Variants in HSPA12A observed in about 807,000 individuals in gnomAD.
The protein encoded by HSPA12A is heat shock 70 kDa protein 12A.
HSPA12A carries 28 observed loss-of-function variants against 69.2 expected under a neutral mutation model. That is an observed-to-expected ratio of 0.40 (90% CI 0.30 to 0.55). The LOEUF (loss-of-function observed/expected upper bound fraction) is 0.55. HSPA12A is among the 20% of genes least tolerant of loss of function. The pLI, the probability that HSPA12A is intolerant of heterozygous loss-of-function variation, is 0.38. For synonymous variants in HSPA12A, 345 were observed against 370.5 expected, an observed-to-expected ratio of 0.93 and a Z score of 0.79; for missense variants, 686 against 900.7, an observed-to-expected ratio of 0.76 and a Z score of 3.05.
In HSPA12A at chr10:116,705,151, C is replaced by A. The variant is rs1554882206; in HGVS notation, c.254G>T (p.Arg85Met). Residue 85 changes from arginine (R) to methionine (M), a missense_variant and splice_region_variant, in exon 3 of 12, where the codon AGG becomes ATG. Coordinates refer to ENST00000369209, the MANE Select transcript of HSPA12A (RefSeq NM_025015.3). ...TKEPECIHVM[R>M]RWEGGDPGVS... ...TGGCCCTCCCACCCACAGCACTCAC[C>A]TCATCACATGGATGCATTCCGGCTC... The A allele has an allele frequency of 6.2e-7, 1 of 1,614,158 alleles. No individual in the cohort carries two copies. The highest frequency in any genetic ancestry group is 1.1e-5 in the South Asian group (1 of 91,070).
At chr10:116,743,196 C>G (rs2133073494), upstream of HSPA12A, among the ~76,000 whole-genome samples, 1 of 152,328 alleles carries the variant, frequency 6.6e-6, no homozygotes, top group East Asian at 1.9e-4. Context: ...CTGAGTCGCG[C>G]CTTCCATATA....
chr10:116,676,400 G>A lies in HSPA12A; in HGVS notation c.1389C>T (p.Leu463=). 1 of 1,612,742 alleles carries A rather than the reference G, an allele frequency of 6.2e-7. No individual in the cohort carries two copies. Among genetic ancestry groups the A allele is most frequent in the Non-Finnish European group, 8.5e-7 (1 of 1,179,120 alleles). Residue 463 remains leucine (L), a splice_region_variant and synonymous_variant, in exon 11 of 12, where the codon CTC becomes CTT. Transcript: ENST00000369209. ...KPTIDSIIEH[L]RDLFQKPEVS... is the part of the protein sequence containing the mutation. ...TGGCCGAGCCTGGCTGATACTTACG[G>A]AGATGCTCAATGATGCTATCGATGG...
intron 1 of HSPA12A, among the ~76,000 whole-genome samples, chr10:116,735,835 TA>T (rs67575935): frequency 0.26 from 36,065 of 136,776 alleles, 4,466 homozygotes; most frequent in African/African-American, 0.28. Flanking sequence ...TGTCCCTATT[TA>T]AAAAAAAAAA....
intron 2 of HSPA12A, among the ~76,000 whole-genome samples, chr10:116,767,875 C>A (rs891903199): frequency 8.5e-5 from 13 of 152,170 alleles, no homozygotes; most frequent in African/African-American, 3.1e-4. Context: ...GGAGTAACTA[C>A]CTCTTCTAAT....
intron 9 of HSPA12A, 54 bp downstream of exon 9, chr10:116,681,098 A>G: frequency 8.2e-7 from 1 of 1,221,552 alleles, no homozygotes. Context: ...AAGTGAAAAC[A>G]GAACTGCCTG....
Position 116,842,608 on chromosome 10 carries a change from GTTTGTTTTTGTT to G in HSPA12A, c.3+6946_3+6957del, listed in dbSNP as rs527476896. Among the ~76,000 whole-genome samples the G allele has an allele frequency of 4.3e-3, 648 of 152,174 alleles. 2 individuals are homozygous for G. Among genetic ancestry groups the G allele is most frequent in the Non-Finnish European group, 7.1e-3 (483 of 67,990 alleles). On this transcript the variant is annotated intron_variant, in intron 1 of 12. Coordinates refer to the HSPA12A transcript ENST00000635765. ...AATGGCAAAAGAGTTTGCTTAAAGA[GTTTGTTTTTGTT>G]TTTGTTTTTGTTTTGAGATGGAGTC... is the stretch of plus-strand genomic sequence containing the variant.
At chr10:116,685,646 A>G (rs1849557226) in intron 6 of HSPA12A, among the ~76,000 whole-genome samples, 1 of 151,930 alleles carries the variant, frequency 6.6e-6, no homozygotes, top group Non-Finnish European at 1.5e-5. Flanking sequence ...AAGAAAAAAA[A>G]AAAAAAAAGA....
chr10:116,755,222 G>A (rs1398266835), intron 2 of HSPA12A, among the ~76,000 whole-genome samples: 1 of 152,002 alleles, frequency 6.6e-6, no homozygotes, highest in Admixed American at 6.5e-5. Flanking sequence ...CAAAGTGCTG[G>A]GATTACAGGT....
chr10:116,695,147 C>A (rs1168657923), intron 5 of HSPA12A, among the ~76,000 whole-genome samples: 1 of 152,156 alleles, frequency 6.6e-6, no homozygotes, highest in Non-Finnish European at 1.5e-5. Flanking sequence ...GAGCCTCCCT[C>A]TCTCCCTGCA....
At chr10:116,708,969 GAA>G (rs1850342406) in intron 1 of HSPA12A, among the ~76,000 whole-genome samples, 1 of 152,142 alleles carries the variant, frequency 6.6e-6, no homozygotes, top group African/African-American at 2.4e-5. Flanking sequence ...AACTGCTGTG[GAA>G]AAGAGTTTGG....
chr10:116,792,613 C>CAAAAAAAAAAAAAAAAAAAAAA (rs56344323), intron 2 of HSPA12A, among the ~76,000 whole-genome samples: 1 of 107,984 alleles, frequency 9.3e-6, no homozygotes, highest in African/African-American at 3.8e-5. Flanking sequence ...CTTGCATCTA[C>CAAAAAAAAAAAAAAAAAAAAAA]AAAAAAAAAA....
At chr10:116,722,031 C>T (rs1227048442) in intron 1 of HSPA12A, among the ~76,000 whole-genome samples, 1 of 152,250 alleles carries the variant, frequency 6.6e-6, no homozygotes, top group Non-Finnish European at 1.5e-5. Flanking sequence ...GGGAGGAGGT[C>T]TTGGGCACCC....
At chr10:116,739,414 C>T (rs1445076175) in intron 1 of HSPA12A, among the ~76,000 whole-genome samples, 1 of 152,182 alleles carries the variant, frequency 6.6e-6, no homozygotes, top group African/African-American at 2.4e-5. Flanking sequence ...TTAAGATGAA[C>T]CTCCAGGATG....
rs1462031605 is a variant in HSPA12A, at chr10:116,742,511, C to A, written c.-42G>T. 13 of 1,236,132 alleles carry A rather than the reference C, an allele frequency of 1.1e-5. No homozygotes were observed. The highest frequency in any genetic ancestry group is 2.8e-5 in the South Asian group (1 of 35,406). The allele number at this position is 1,236,132 out of a possible 1,614,324, so 76.6% of individuals were successfully genotyped here. On this transcript the variant is annotated 5_prime_UTR_variant, in exon 1 of 12. Transcript: ENST00000369209. ...ACCGCGAGGGGAGCCTCCAGCGCAG[C>A]GCCCGTGCCCGTGCGGGTCTCTGTC...
At chr10:116,714,440 C>A (rs1850544105) in intron 1 of HSPA12A, among the ~76,000 whole-genome samples, 2 of 152,084 alleles carry the variant, frequency 1.3e-5, no homozygotes, top group South Asian at 2.1e-4. Context: ...CAAGCCCTAT[C>A]ACTCCTTCTA....
At chr10:116,752,550 C>T (rs1851797435) in intron 2 of HSPA12A, among the ~76,000 whole-genome samples, 1 of 152,158 alleles carries the variant, frequency 6.6e-6, no homozygotes, top group Non-Finnish European at 1.5e-5. Context: ...AAGAGAGAAA[C>T]AAACACAACC....
At chr10:116,843,477 T>A (rs767389361) in intron 1 of HSPA12A, among the ~76,000 whole-genome samples, 1 of 152,228 alleles carries the variant, frequency 6.6e-6, no homozygotes, top group African/African-American at 2.4e-5. Context: ...ATGGATTTTT[T>A]AAATGTCATT....
chr10:116,790,194 T>C (rs1024382624), intron 2 of HSPA12A, among the ~76,000 whole-genome samples: 2 of 138,056 alleles, frequency 1.4e-5, no homozygotes, highest in East Asian at 2.4e-4. Flanking sequence ...CTCCGCGCCC[T>C]GGGGGTTCAC....
At chr10:116,696,751 C>T (rs2907230) in intron 5 of HSPA12A, among the ~76,000 whole-genome samples, 81,645 of 151,804 alleles carry the variant, frequency 0.54, 22,333 homozygotes, top group Middle Eastern at 0.65. Flanking sequence ...CCTGAGCTCA[C>T]GGCATCCTGG....
Sources: allele counts gnomAD v4.1 joint callset (sites outside exome capture counted in the v4.1 genomes callset), GRCh38; gene constraint gnomAD v4.1.1; transcripts MANE v1.5; gene names NCBI Gene and HGNC (gene_info 2026-07-23, HGNC 2026-07-21).